Variants in AKT3 observed in about 807,000 individuals in gnomAD.
AKT3 encodes the protein AKT serine/threonine kinase 3.
A neutral mutation model predicts 65.3 loss-of-function variants in AKT3; 15 were observed. The ratio of observed to expected loss-of-function variants is 0.23; its 90% CI spans 0.15 to 0.35. AKT3 has a LOEUF of 0.35. Among genes scored for constraint, AKT3 ranks in the 10% least tolerant of loss-of-function variants. The pLI, the probability that AKT3 is intolerant of heterozygous loss-of-function variation, is 1.00. For missense variants in AKT3, 243 were observed against 576.5 expected, an observed-to-expected ratio of 0.42 and a Z score of 5.92; for synonymous variants, 206 against 183.8, an observed-to-expected ratio of 1.12 and a Z score of -0.98.
intron 3 of AKT3, among the ~76,000 whole-genome samples, chr1:243,672,782 C>G (rs914843464): frequency 1.3e-5 from 2 of 152,188 alleles, no homozygotes; most frequent in Non-Finnish European, 2.9e-5. Flanking sequence ...AGCACACTTA[C>G]AGAGCCAATA....
intron 4 of AKT3, among the ~76,000 whole-genome samples, chr1:243,657,632 GA>G (rs760217173): frequency 4.5e-4 from 67 of 148,104 alleles, no homozygotes; most frequent in East Asian, 2.4e-3. Context: ...TGCGGAAACA[GA>G]AAAAAAAAAT....
Position 243,746,876 on chromosome 1 carries a change from T to C in AKT3, c.47-51160A>G, listed in dbSNP as rs1320134078. Among the ~76,000 whole-genome samples the C allele has an allele frequency of 8.0e-5, 12 of 149,280 alleles. No homozygotes were observed. In the South Asian group the frequency reaches 2.0e-3, roughly 25 times the overall value. Reference sequence around the variant, plus strand: ...GTGTTTTACCTCTGGAGAATTCTTATTGTCATGAAGAACATGAACATGGGG... The same window carrying C: ...GTGTTTTACCTCTGGAGAATTCTTACTGTCATGAAGAACATGAACATGGGG... On this transcript the variant is annotated intron_variant, in intron 2 of 13. Coordinates refer to ENST00000673466, the MANE Select transcript of AKT3 (RefSeq NM_005465.7).
intron 1 of AKT3, 139 bp from the exon 2 acceptor site, chr1:243,843,421 A>G: frequency 9.1e-7 from 1 of 1,099,718 alleles, no homozygotes; most frequent in Non-Finnish European, 1.2e-6. Flanking sequence ...TGGGGAACTT[A>G]TTTATTAAAT....
chr1:243,728,397 T>G (rs959170380), intron 2 of AKT3, among the ~76,000 whole-genome samples: 5 of 152,278 alleles, frequency 3.3e-5, no homozygotes, highest in African/African-American at 1.2e-4. Flanking sequence ...GGCAATAAAC[T>G]CTATCTATAG....
At chr1:243,777,269 G>A (rs1019362093) in intron 2 of AKT3, among the ~76,000 whole-genome samples, 3 of 152,132 alleles carry the variant, frequency 2.0e-5, no homozygotes, top group Non-Finnish European at 2.9e-5. Context: ...GTTCACAATA[G>A]GGTTTGCATC....
intron 2 of AKT3, among the ~76,000 whole-genome samples, chr1:243,777,874 G>A (rs1690656105): frequency 6.6e-6 from 1 of 152,068 alleles, no homozygotes; most frequent in Non-Finnish European, 1.5e-5. Context: ...TCCTTAGACT[G>A]GAATGTTAGA....
At chr1:243,522,294 A>G (rs1040180137) in intron 12 of AKT3, among the ~76,000 whole-genome samples, 2 of 152,214 alleles carry the variant, frequency 1.3e-5, no homozygotes, top group African/African-American at 4.8e-5. Context: ...AAAGTTGAAT[A>G]AGTATGCAGA....
chr1:243,543,619 C>G (rs768414510), intron 12 of AKT3, among the ~76,000 whole-genome samples: 6 of 152,092 alleles, frequency 3.9e-5, no homozygotes, highest in Non-Finnish European at 8.8e-5. Flanking sequence ...TGTACTGACA[C>G]GATGAAAACA....
intron 5 of AKT3, among the ~76,000 whole-genome samples, chr1:243,644,570 C>T (rs996186978): frequency 4.6e-5 from 7 of 152,084 alleles, no homozygotes; most frequent in Non-Finnish European, 8.8e-5. Flanking sequence ...GTAATACGTG[C>T]TCAATAAATA....
intron 2 of AKT3, among the ~76,000 whole-genome samples, chr1:243,796,860 T>C (rs566859094): frequency 3.9e-5 from 6 of 152,210 alleles, no homozygotes; most frequent in African/African-American, 1.4e-4. Flanking sequence ...AACACTACGC[T>C]AAGTGAAATA....
chr1:243,635,506 C>T (rs199852864), intron 6 of AKT3, among the ~76,000 whole-genome samples: 1 of 151,754 alleles, frequency 6.6e-6, no homozygotes, highest in East Asian at 1.9e-4. Flanking sequence ...AATTGATAAA[C>T]CCTTAGCTTA....
intron 13 of AKT3, among the ~76,000 whole-genome samples, chr1:243,509,995 C>T (rs1180096009): frequency 6.6e-6 from 1 of 152,166 alleles, no homozygotes; most frequent in Non-Finnish European, 1.5e-5. Context: ...TCACTTTTAG[C>T]TTTCTTAAGT....
At chr1:243,511,452 C>A (rs1011828243) in intron 13 of AKT3, among the ~76,000 whole-genome samples, 1 of 152,060 alleles carries the variant, frequency 6.6e-6, no homozygotes, top group Non-Finnish European at 1.5e-5. Flanking sequence ...ACACTGAGTC[C>A]ACATCAGCAC....
intron 2 of AKT3, chr1:243,808,270 T>C (rs916680568): frequency 6.6e-6 from 1 of 152,058 alleles, no homozygotes; most frequent in Non-Finnish European, 1.5e-5. Flanking sequence ...ACAAAGAAGT[T>C]AAAAACCTTG....
intron 6 of AKT3, among the ~76,000 whole-genome samples, chr1:243,629,882 T>C (rs182604807): frequency 5.9e-5 from 9 of 152,248 alleles, no homozygotes; most frequent in Admixed American, 4.6e-4. Context: ...TACCCTCTGA[T>C]GCACAAAATT....
chr1:243,774,787 G>A (rs1027667359), intron 2 of AKT3, among the ~76,000 whole-genome samples: 1 of 152,068 alleles, frequency 6.6e-6, no homozygotes, highest in South Asian at 2.1e-4. Flanking sequence ...TTCACATAAG[G>A]AAAAAACTCA....
intron 2 of AKT3, among the ~76,000 whole-genome samples, chr1:243,771,765 GC>G (rs1690200795): frequency 6.6e-6 from 1 of 152,038 alleles, no homozygotes; most frequent in African/African-American, 2.4e-5. Flanking sequence ...GAAACTGGAT[GC>G]CATGCTACCT....
chr1:243,555,552 T>C (rs1673351645), intron 10 of AKT3, among the ~76,000 whole-genome samples: 1 of 152,192 alleles, frequency 6.6e-6, no homozygotes, highest in Non-Finnish European at 1.5e-5. Context: ...ATTCTATAAA[T>C]ACATAACATA....
At chr1:243,810,539 T>C (rs564761916) in intron 2 of AKT3, among the ~76,000 whole-genome samples, 8 of 152,104 alleles carry the variant, frequency 5.3e-5, no homozygotes, top group South Asian at 2.1e-4. Context: ...AATTAATAGC[T>C]TACCAACCAA....
Sources: gnomAD v4.1 joint callset for allele counts (sites outside exome capture counted in the v4.1 genomes callset) on GRCh38, gnomAD v4.1.1 for gene constraint, MANE v1.5 for transcripts, NCBI Gene and HGNC (gene_info 2026-07-23, HGNC 2026-07-21) for gene names.